Variants in UBXN7 observed in about 807,000 individuals in gnomAD.
UBXN7 encodes the protein UBX domain-containing protein 7.
A neutral mutation model predicts 58.0 loss-of-function variants in UBXN7; 9 were observed. The observed-to-expected ratio is 0.16, with a 90% CI of 0.09 to 0.27. The LOEUF (loss-of-function observed/expected upper bound fraction) is 0.27. UBXN7 is among the 10% of genes least tolerant of loss of function. The probability of loss-of-function intolerance (pLI) is 1.00; values close to 1 mark genes in which losing one functional copy is unlikely to be tolerated. For synonymous variants in UBXN7, 208 were observed against 205.0 expected (o/e 1.01, Z -0.12); for missense variants, 328 against 599.6 (o/e 0.55, Z 4.73).
chr3:196,401,298 T>TAC (rs71630187), intron 3 of UBXN7, among the ~76,000 whole-genome samples: 1,104 of 61,530 alleles, frequency 0.018, 32 homozygotes, highest in Middle Eastern at 0.069. Flanking sequence ...TATATATATA[T>TAC]ACACACACAC....
chr3:196,379,671 A>G (rs911255633), intron 5 of UBXN7, among the ~76,000 whole-genome samples: 1 of 152,330 alleles, frequency 6.6e-6, no homozygotes, highest in South Asian at 2.1e-4. Context: ...CTAACTCTTG[A>G]GTCCCAACAG....
intron 5 of UBXN7, among the ~76,000 whole-genome samples, chr3:196,389,746 T>C (rs943991323): frequency 6.6e-6 from 1 of 152,202 alleles, no homozygotes; most frequent in Non-Finnish European, 1.5e-5. Flanking sequence ...CCTTTTTCTT[T>C]ATAAATTGCC....
Position 196,351,516 on chromosome 3 carries a change from C to T in UBXN7, c.*5169G>A, listed in dbSNP as rs2108821530. The T allele has an allele frequency of 6.6e-6, 1 of 152,044 alleles. No homozygotes were observed. The highest frequency in any genetic ancestry group is 2.4e-5 in the African/African-American group (1 of 41,492). 9.4% of individuals were successfully genotyped at this position (152,044 alleles called of 1,614,324 possible). Reference sequence around the variant, plus strand: ...AAGAGAGAAAAAAAAAGTAAAGAAACTGATTAACCAGCACACTTTTAATTA... The same window carrying T: ...AAGAGAGAAAAAAAAAGTAAAGAAATTGATTAACCAGCACACTTTTAATTA... On this transcript the variant is annotated 3_prime_UTR_variant, in exon 11 of 11. Coordinates refer to ENST00000296328, the MANE Select transcript of UBXN7 (RefSeq NM_015562.2).
intron 5 of UBXN7, among the ~76,000 whole-genome samples, chr3:196,385,149 C>T (rs1297777300): frequency 2.6e-5 from 4 of 152,182 alleles, no homozygotes; most frequent in East Asian, 1.9e-4. Context: ...ATTGCAGGCG[C>T]GCGCCACCAC....
chr3:196,405,300 T>A (rs1730126416), intron 2 of UBXN7, among the ~76,000 whole-genome samples: 1 of 151,614 alleles, frequency 6.6e-6, no homozygotes, highest in Non-Finnish European at 1.5e-5. Context: ...TGCAACCCCA[T>A]GTCTACTAAA....
intron 3 of UBXN7, chr3:196,400,202 C>T (rs1451119136): frequency 6.7e-6 from 1 of 149,414 alleles, no homozygotes; most frequent in African/African-American, 2.5e-5. Context: ...AGCAAGACCC[C>T]ATCTTGGGAA....
intron 5 of UBXN7, among the ~76,000 whole-genome samples, chr3:196,385,343 G>A (rs1006124684): frequency 6.6e-6 from 1 of 152,150 alleles, no homozygotes; most frequent in East Asian, 1.9e-4. Context: ...GCGTGATCTC[G>A]GCTCGCTACA....
chr3:196,416,541 G>A (rs1052474688), intron 1 of UBXN7, among the ~76,000 whole-genome samples: 1 of 152,144 alleles, frequency 6.6e-6, no homozygotes, highest in East Asian at 1.9e-4. Flanking sequence ...CAATGCCACT[G>A]CCAGGGGAAC....
chr3:196,420,310 A>G (rs1730640098), intron 1 of UBXN7, among the ~76,000 whole-genome samples: 1 of 152,104 alleles, frequency 6.6e-6, no homozygotes, highest in African/African-American at 2.4e-5. Context: ...AGGTGGGTGG[A>G]TCACCTGAAG....
chr3:196,366,992 G>A (rs1728689677), intron 8 of UBXN7, among the ~76,000 whole-genome samples: 1 of 152,114 alleles, frequency 6.6e-6, no homozygotes, highest in Non-Finnish European at 1.5e-5. Context: ...AAACCAGCCT[G>A]CCCAACAAGG....
chr3:196,410,704 C>T (rs1287507080), intron 1 of UBXN7, among the ~76,000 whole-genome samples: 1 of 152,084 alleles, frequency 6.6e-6, no homozygotes, highest in Admixed American at 6.6e-5. Flanking sequence ...CACCTGTAAT[C>T]CCAGCTACTC....
intron 5 of UBXN7, among the ~76,000 whole-genome samples, chr3:196,376,049 T>C (rs970347527): frequency 2.0e-5 from 3 of 151,506 alleles, no homozygotes; most frequent in Non-Finnish European, 2.9e-5. Context: ...AAAAAGAAAA[T>C]GAAGGATTTG....
chr3:196,428,306 T>C (rs1730913004), intron 1 of UBXN7, among the ~76,000 whole-genome samples: 1 of 151,690 alleles, frequency 6.6e-6, no homozygotes, highest in Admixed American at 6.6e-5. Flanking sequence ...CCGTGTATTT[T>C]AGCTGGGCAT....
chr3:196,358,821 T>A (rs1465467794), intron 10 of UBXN7, among the ~76,000 whole-genome samples: 1 of 150,370 alleles, frequency 6.7e-6, no homozygotes, highest in Non-Finnish European at 1.5e-5. Flanking sequence ...AACACCTCTT[T>A]CTTTTTTTTT....
At chr3:196,361,950 A>AC in intron 9 of UBXN7, 27 bp from the exon 10 acceptor site, 1 of 1,596,854 alleles carries the variant, frequency 6.3e-7, no homozygotes, top group Non-Finnish European at 8.5e-7. Flanking sequence ...AAAAAAAAAA[A>AC]AAAACGGGAT....
intron 3 of UBXN7, chr3:196,399,988 T>G (rs1167454647): frequency 6.6e-6 from 1 of 152,182 alleles, no homozygotes. Flanking sequence ...GCCTAAGAGT[T>G]CTGGCCTGTA....
Position 196,372,056 on chromosome 3 carries a change from G to A in UBXN7, c.469-14C>T, listed in dbSNP as rs1239372420. On this transcript the variant is annotated splice_polypyrimidine_tract_variant and intron_variant, in intron 5 of 10. Coordinates refer to ENST00000296328, the MANE Select transcript of UBXN7 (RefSeq NM_015562.2). ...ACACTCTTTGGCCTGCAAGAGTAAA[G>A]TTACACATTTGTTAGAAATAATTTC... The A allele has an allele frequency of 6.3e-7, 1 of 1,575,882 alleles. No individual in the cohort carries two copies. The highest frequency in any genetic ancestry group is 8.6e-7 in the Non-Finnish European group (1 of 1,161,138).
intron 5 of UBXN7, among the ~76,000 whole-genome samples, chr3:196,376,663 T>C (rs894796296): frequency 1.3e-5 from 2 of 152,174 alleles, no homozygotes; most frequent in East Asian, 1.9e-4. Flanking sequence ...TAAATACTTA[T>C]GAAATTAACA....
rs1185334964 is a variant in UBXN7, at chr3:196,354,864, T to A, written c.*1821A>T. The A allele has an allele frequency of 1.3e-5, 2 of 151,292 alleles. No individual in the cohort carries two copies. Among genetic ancestry groups the A allele is most frequent in the Admixed American group, 1.3e-4 (2 of 15,202 alleles). 9.4% of individuals were successfully genotyped at this position (151,292 alleles called of 1,614,324 possible). A position where few individuals can be genotyped will look rare whatever the true frequency, so the allele number is the denominator to read the frequency against. On this transcript the variant is annotated 3_prime_UTR_variant, in exon 11 of 11. Transcript: ENST00000296328. ...TTATATAAATATATTTATAAATATT[T>A]ATACAATTATATACTTATACATAAG...
Sources: allele counts gnomAD v4.1 joint callset (sites outside exome capture counted in the v4.1 genomes callset), GRCh38; gene constraint gnomAD v4.1.1; transcripts MANE v1.5; gene names NCBI Gene and HGNC (gene_info 2026-07-23, HGNC 2026-07-21).